Variants in MPPED2 observed in about 807,000 individuals in gnomAD.
The protein encoded by MPPED2 is metallophosphoesterase domain containing 2.
MPPED2 carries 5 observed loss-of-function variants against 33.0 expected under a neutral mutation model. That is an observed-to-expected ratio of 0.15 (90% CI 0.08 to 0.32). The LOEUF (loss-of-function observed/expected upper bound fraction) is 0.32, where lower values mean the gene tolerates loss of function less well. MPPED2 is among the 10% of genes least tolerant of loss of function. The pLI, the probability that MPPED2 is intolerant of heterozygous loss-of-function variation, is 1.00. For missense variants in MPPED2, 275 were observed against 372.1 expected (o/e 0.74, Z 2.15); for synonymous variants, 136 against 141.9 (o/e 0.96, Z 0.29).
chr11:30,440,544 T>C lies in MPPED2; in HGVS notation c.537-22911A>G, dbSNP rs375653780. ...CTCTGGAGCACTGAATGAATGATGG[T>C]TATTAGGGCAGCTGTAGGGCAGGTA... is the stretch of plus-strand genomic sequence containing the variant. On this transcript the variant is annotated intron_variant, in intron 4 of 6. Coordinates refer to ENST00000358117, the MANE Select transcript of MPPED2 (RefSeq NM_001584.3). Among the ~76,000 whole-genome samples the C allele has an allele frequency of 1.6e-4, 24 of 152,256 alleles. No individual in the cohort carries two copies. The East Asian group carries it at 4.6e-3, about 29-fold the overall frequency.
At chr11:30,462,426 G>T (rs112959209) in intron 4 of MPPED2, among the ~76,000 whole-genome samples, 24 of 152,134 alleles carry the variant, frequency 1.6e-4, no homozygotes, top group African/African-American at 5.8e-4. Flanking sequence ...TTCAATACAC[G>T]CTCTGCATTA....
Position 30,411,606 on chromosome 11 carries a change from C to T in MPPED2, c.767-20G>A. 2 of 1,605,202 alleles carry T rather than the reference C, an allele frequency of 1.2e-6. No individual in the cohort carries two copies. Among genetic ancestry groups the T allele is most frequent in the Non-Finnish European group, 1.7e-6 (2 of 1,173,826 alleles). On this transcript the variant is annotated intron_variant, in intron 6 of 6. Transcript: ENST00000358117. ...CATAACCTGTGGGGAGAGCGTGTCA[C>T]ATTTACTGTAATATATACAAATGAG...
chr11:30,469,210 T>C (rs1950846377), intron 4 of MPPED2, among the ~76,000 whole-genome samples: 1 of 152,154 alleles, frequency 6.6e-6, no homozygotes, highest in Non-Finnish European at 1.5e-5. Flanking sequence ...AGAAGTGTAG[T>C]TTTCACTGAC....
In MPPED2 at chr11:30,463,081, T is replaced by G. The variant is rs74695213; in HGVS notation, c.536+32215A>C. 9.1e-3 allele frequency among the ~76,000 whole-genome samples: 1,380 copies of G among 152,318 alleles called. 34 individuals are homozygous for G. The highest frequency in any genetic ancestry group is 0.029 in the African/African-American group (1,208 of 41,576). On this transcript the variant is annotated intron_variant, in intron 4 of 6. Coordinates refer to ENST00000358117, the MANE Select transcript of MPPED2 (RefSeq NM_001584.3). ...GTCCATTTTTATTCAAATGGTAAAC[T>G]TACAACAGGGGTATAAGAAGTGAGA...
Position 30,458,874 on chromosome 11 carries a change from C to CTA in MPPED2, c.536+36420_536+36421dup, listed in dbSNP as rs1224833498. 2.1e-5 allele frequency among the ~76,000 whole-genome samples: 3 copies of CTA among 144,078 alleles called. No homozygotes were observed. In the East Asian group the frequency reaches 6.2e-4, roughly 30 times the overall value. 94.5% of individuals were successfully genotyped at this position (144,078 alleles called of 152,430 possible). ...TATGTTAACTACGGACATCTAGAGA[C>CTA]TAGACTACTTAAATTTTTTTAGGAC... On this transcript the variant is annotated intron_variant, in intron 4 of 6. Transcript: ENST00000358117.
intron 4 of MPPED2, among the ~76,000 whole-genome samples, chr11:30,427,675 A>G (rs1198877345): frequency 6.6e-6 from 1 of 152,178 alleles, no homozygotes; most frequent in African/African-American, 2.4e-5. Context: ...AAAGTAAAGT[A>G]TTACCTTTCG....
intron 2 of MPPED2, among the ~76,000 whole-genome samples, chr11:30,567,201 C>G (rs1956483002): frequency 6.6e-6 from 1 of 152,082 alleles, no homozygotes; most frequent in Non-Finnish European, 1.5e-5. Context: ...TAACTCTTGC[C>G]AAAAGTCTGG....
At chr11:30,573,242 G>A (rs1431171549) in intron 2 of MPPED2, among the ~76,000 whole-genome samples, 1 of 152,110 alleles carries the variant, frequency 6.6e-6, no homozygotes. Context: ...TCATTGTGGT[G>A]TAACTTATTA....
Position 30,430,672 on chromosome 11 carries a change from AAAT to A in MPPED2, c.537-13042_537-13040del, listed in dbSNP as rs1261726089. On this transcript the variant is annotated intron_variant, in intron 4 of 6. Coordinates refer to ENST00000358117, the MANE Select transcript of MPPED2 (RefSeq NM_001584.3). ...TCACACAGTGTAATTCGTAACAACAAAATATTGGGAACAATTATTTCTAAATTC... is the reference window on the plus strand; with the variant it reads ...TCACACAGTGTAATTCGTAACAACAAATTGGGAACAATTATTTCTAAATTC... Among the ~76,000 whole-genome samples, 6 of 152,264 alleles carry A rather than the reference AAAT, an allele frequency of 3.9e-5. No individual in the cohort carries two copies. The East Asian group carries it at 1.2e-3, about 29-fold the overall frequency.
In MPPED2 at chr11:30,418,193, C is replaced by A. The variant is rs116487788; in HGVS notation, c.537-560G>T. 0.018 allele frequency among the ~76,000 whole-genome samples: 2,771 copies of A among 152,196 alleles called. 140 individuals are homozygous for A. The East Asian group carries it at 0.21, about 12-fold the overall frequency. ...TGAGATTTCTGAAAAAATACGGGGG[C>A]TCTGAAAAGTGAGAAGGAACACAGT... is the stretch of plus-strand genomic sequence containing the variant. On this transcript the variant is annotated intron_variant, in intron 4 of 6. Coordinates refer to ENST00000358117, the MANE Select transcript of MPPED2 (RefSeq NM_001584.3).
intron 3 of MPPED2, among the ~76,000 whole-genome samples, chr11:30,514,799 G>C (rs963570416): frequency 1.3e-5 from 2 of 152,142 alleles, no homozygotes; most frequent in Admixed American, 6.5e-5. Context: ...CCTCTGTCAG[G>C]CACCATCCTA....
intron 3 of MPPED2, among the ~76,000 whole-genome samples, chr11:30,522,913 A>C (rs895102910): frequency 6.6e-6 from 1 of 152,198 alleles, no homozygotes; most frequent in East Asian, 1.9e-4. Flanking sequence ...ACTATAAGGG[A>C]TTTTTAATGA....
chr11:30,480,722 C>T (rs1590468745), intron 4 of MPPED2, among the ~76,000 whole-genome samples: 1 of 152,066 alleles, frequency 6.6e-6, no homozygotes, highest in Non-Finnish European at 1.5e-5. Flanking sequence ...AAGACAACTT[C>T]CAATAAAAAC....
intron 3 of MPPED2, among the ~76,000 whole-genome samples, chr11:30,529,519 A>G (rs113252731): frequency 6.3e-5 from 9 of 143,342 alleles, no homozygotes; most frequent in Middle Eastern, 3.5e-3. Context: ...TTGGCAAAAG[A>G]TATTTGTGTG....
chr11:30,570,718 T>C (rs1165042849), intron 2 of MPPED2, among the ~76,000 whole-genome samples: 1 of 152,156 alleles, frequency 6.6e-6, no homozygotes, highest in Non-Finnish European at 1.5e-5. Context: ...GGAGACTTAA[T>C]TTTTTTCTTG....
intron 4 of MPPED2, among the ~76,000 whole-genome samples, chr11:30,470,084 C>T (rs1169407987): frequency 6.6e-6 from 1 of 152,080 alleles, no homozygotes; most frequent in African/African-American, 2.4e-5. Context: ...TCACTTTATC[C>T]ACTTTGATTT....
chr11:30,448,383 C>CA (rs1949906932), intron 4 of MPPED2, among the ~76,000 whole-genome samples: 1 of 152,182 alleles, frequency 6.6e-6, no homozygotes, highest in Non-Finnish European at 1.5e-5. Context: ...ATGAGTTCCA[C>CA]AAACACACCC....
At chr11:30,500,322 C>T (rs1438410961) in intron 3 of MPPED2, among the ~76,000 whole-genome samples, 1 of 152,198 alleles carries the variant, frequency 6.6e-6, no homozygotes, top group African/African-American at 2.4e-5. Context: ...TCTTCCTCAG[C>T]TTCCTTTGCA....
At chr11:30,389,375 C>A (rs936994015) in intron 6 of MPPED2, among the ~76,000 whole-genome samples, 2 of 152,104 alleles carry the variant, frequency 1.3e-5, no homozygotes, top group African/African-American at 4.8e-5. Flanking sequence ...AGTGGCCAAC[C>A]CTTATATTTG....
Sources: allele counts gnomAD v4.1 joint callset (sites outside exome capture counted in the v4.1 genomes callset), GRCh38; gene constraint gnomAD v4.1.1; transcripts MANE v1.5; gene names NCBI Gene and HGNC (gene_info 2026-07-23, HGNC 2026-07-21).